Variants in SP140 observed in about 807,000 individuals in gnomAD.
SP140 encodes the protein nuclear body protein SP140.
Under a neutral mutation model 125.0 loss-of-function variants are expected in SP140, and 81 were observed. That is an observed-to-expected ratio of 0.65 (90% confidence interval 0.54 to 0.78). The LOEUF is 0.78. Among genes scored for constraint, SP140 ranks in the 30% least tolerant of loss-of-function variants. The pLI, the probability that SP140 is intolerant of heterozygous loss-of-function variation, is 0.00. For missense variants in SP140, 858 were observed against 1,037.0 expected (o/e 0.83, Z 2.37); for synonymous variants, 312 against 354.0 (o/e 0.88, Z 1.33).
chr2:230,216,758 T>C (rs199771262), intron 3 of SP140: 7 of 1,613,236 alleles, frequency 4.3e-6, no homozygotes, highest in Non-Finnish European at 4.2e-6. Context: ...TGGGCTGCCA[T>C]GGAAGGGTTC....
chr2:230,233,809 T>C (rs1304127440), intron 1 of SP140, among the ~76,000 whole-genome samples: 1 of 152,266 alleles, frequency 6.6e-6, no homozygotes, highest in Non-Finnish European at 1.5e-5. Context: ...CCTATCTGCT[T>C]CTGCATTCAA....
intron 1 of SP140, 85 bp from the exon 2 acceptor site, chr2:230,236,998 C>A: frequency 1.0e-6 from 1 of 1,000,382 alleles, no homozygotes; most frequent in South Asian, 2.0e-5. Flanking sequence ...CTCCATTGGC[C>A]ATCCTTCATG....
In SP140 at chr2:230,212,082, C is replaced by T. The variant is rs190860430; in HGVS notation, c.-322-1572C>T. 8.5e-5 allele frequency among the ~76,000 whole-genome samples: 13 copies of T among 152,224 alleles called. No homozygotes were observed. The East Asian group carries it at 2.5e-3, about 29-fold the overall frequency. On this transcript the variant is annotated intron_variant, in intron 1 of 4. Coordinates refer to the SP140 transcript ENST00000456542. ...AATGAAGAATGTTGAAACTCTAAGGCCCCCATAATCAGGTGGGGGTGAGGA... is the reference window on the plus strand; with the variant it reads ...AATGAAGAATGTTGAAACTCTAAGGTCCCCATAATCAGGTGGGGGTGAGGA...
intron 15 of SP140, among the ~76,000 whole-genome samples, chr2:230,282,619 G>A (rs1460942910): frequency 1.3e-5 from 2 of 151,992 alleles, no homozygotes; most frequent in Admixed American, 6.6e-5. Context: ...ACAACATAGT[G>A]AGACCCCGTA....
chr2:230,291,771 C>T (rs2057142607), intron 19 of SP140, among the ~76,000 whole-genome samples: 1 of 152,140 alleles, frequency 6.6e-6, no homozygotes, highest in African/African-American at 2.4e-5. Context: ...GGTATATAGT[C>T]AAGAGAGGAA....
chr2:230,296,700 T>C (rs1350322174), intron 21 of SP140, among the ~76,000 whole-genome samples: 1 of 152,138 alleles, frequency 6.6e-6, no homozygotes, highest in African/African-American at 2.4e-5. Context: ...AGTCCTGTGG[T>C]CCCAGGAGGC....
chr2:230,292,524 A>G, intron 19 of SP140, 122 bp from the exon 20 acceptor site: 1 of 1,320,638 alleles, frequency 7.6e-7, no homozygotes, highest in South Asian at 1.4e-5. Context: ...AGGGAAGGCC[A>G]GACTCTCCTG....
intron 3 of SP140, chr2:230,238,638 A>C: frequency 1.1e-6 from 1 of 876,966 alleles, no homozygotes; most frequent in Non-Finnish European, 1.7e-6. Flanking sequence ...GCTGTAAAAC[A>C]TAGGGTTGAA....
chr2:230,253,728 G>A (rs1372846426), intron 11 of SP140, among the ~76,000 whole-genome samples: 1 of 152,126 alleles, frequency 6.6e-6, no homozygotes, highest in Admixed American at 6.6e-5. Flanking sequence ...ACATGAAACC[G>A]AAATATCAGC....
intron 1 of SP140, chr2:230,203,625 G>A (rs961194806): frequency 6.0e-5 from 9 of 148,772 alleles, no homozygotes; most frequent in African/African-American, 2.3e-4. Context: ...CCAAGTTTAG[G>A]GTTTTTTTTC....
chr2:230,290,412 G>A lies in SP140; in HGVS notation c.1721-48G>A, dbSNP rs368146083. 7.4e-5 allele frequency: 114 copies of A among 1,537,696 alleles called. No individual in the cohort carries two copies. In the African/African-American group the frequency reaches 1.1e-3, roughly 15 times the overall value. ...AGGAATTACCTCAGTAGGGAGGGGG[G>A]ACGTGCCTTTGCAAAGTGAGACAGA... On this transcript the variant is annotated intron_variant, in intron 18 of 26. Transcript: ENST00000392045.
upstream of SP140, chr2:230,202,844 G>A (rs2043317284): frequency 2.2e-6 from 2 of 915,228 alleles, no homozygotes; most frequent in Non-Finnish European, 3.7e-6. Flanking sequence ...TCAGATCTCT[G>A]TACCCCTGTA....
chr2:230,314,313 C>A (rs913912118), downstream of SP140, among the ~76,000 whole-genome samples: 9 of 152,112 alleles, frequency 5.9e-5, no homozygotes, highest in Admixed American at 2.0e-4. Context: ...CAGGACAATG[C>A]AAGTGAACAG....
At chr2:230,267,988 A>G (rs576946917) in intron 12 of SP140, among the ~76,000 whole-genome samples, 1 of 152,228 alleles carries the variant, frequency 6.6e-6, no homozygotes, top group Non-Finnish European at 1.5e-5. Flanking sequence ...GCTGGCTTGA[A>G]TTGAGGACTT....
intron 8 of SP140, 66 bp from the exon 9 acceptor site, chr2:230,248,819 A>T (rs1418602257): frequency 7.6e-7 from 1 of 1,320,518 alleles, no homozygotes; most frequent in Non-Finnish European, 1.1e-6. Context: ...CTTGGATGGC[A>T]TGAACACACT....
chr2:230,289,495 C>T (rs1188378057), intron 18 of SP140, among the ~76,000 whole-genome samples: 1 of 152,114 alleles, frequency 6.6e-6, no homozygotes, highest in African/African-American at 2.4e-5. Flanking sequence ...AAGGACAGCT[C>T]CCCCGTTTAT....
At chr2:230,298,985 G>T (rs766883134) in intron 22 of SP140, among the ~76,000 whole-genome samples, 4 of 152,204 alleles carry the variant, frequency 2.6e-5, no homozygotes, top group East Asian at 1.9e-4. Flanking sequence ...TCTCCTGAGA[G>T]GAGTCTAATG....
chr2:230,257,659 C>T (rs894543298), intron 12 of SP140, among the ~76,000 whole-genome samples: 5 of 152,072 alleles, frequency 3.3e-5, no homozygotes, highest in African/African-American at 9.7e-5. Flanking sequence ...CCCAGCTACT[C>T]GGGAGGCTGA....
chr2:230,244,243 C>A (rs538863779), intron 5 of SP140, among the ~76,000 whole-genome samples: 74 of 152,288 alleles, frequency 4.9e-4, no homozygotes, highest in African/African-American at 1.7e-3. Flanking sequence ...TTTTGGCAAA[C>A]AAGATGTCAT....
Sources: gnomAD v4.1 joint callset for allele counts (sites outside exome capture counted in the v4.1 genomes callset) on GRCh38, gnomAD v4.1.1 for gene constraint, MANE v1.5 for transcripts, NCBI Gene and HGNC (gene_info 2026-07-23, HGNC 2026-07-21) for gene names.